Variants in PRDM16 observed in about 807,000 individuals in gnomAD.
PRDM16 encodes PR/SET domain 16.
PRDM16 carries 23 observed loss-of-function variants against 110.6 expected under a neutral mutation model. That is an observed-to-expected ratio of 0.21 (90% confidence interval 0.15 to 0.29). The LOEUF is 0.29. Ranked by LOEUF, PRDM16 falls within the 10% of genes least tolerant of loss-of-function variation. The probability of loss-of-function intolerance (pLI) is 1.00; values close to 1 mark genes in which losing one functional copy is unlikely to be tolerated. For synonymous variants in PRDM16, 799 were observed against 781.8 expected (o/e 1.02, Z -0.37); for missense variants, 1,615 against 1,794.3 (o/e 0.90, Z 1.81).
intron 5 of PRDM16, 107 bp from the exon 6 acceptor site, chr1:3,402,684 G>T: frequency 1.1e-6 from 1 of 947,790 alleles, no homozygotes; most frequent in South Asian, 1.5e-5. Context: ...CAGCCTGGGT[G>T]CAGGCCCTGA....
chr1:3,184,849 G>A (rs143290353), intron 1 of PRDM16, among the ~76,000 whole-genome samples: 116 of 152,294 alleles, frequency 7.6e-4, no homozygotes, highest in African/African-American at 2.2e-3. Flanking sequence ...GCATGTCGGG[G>A]GCTGGTCCAG....
chr1:3,321,854 G>A lies in PRDM16; in HGVS notation c.439-63298G>A, dbSNP rs1402056278. ...TGTGCATTTGTGTGTGGGTCCGTGT[G>A]TGAGTGTGTGCATTTGTGTGTGGGT... is the stretch of plus-strand genomic sequence containing the variant. On this transcript the variant is annotated intron_variant, in intron 3 of 16. Transcript: ENST00000270722. Among the ~76,000 whole-genome samples, 2 of 151,666 alleles carry A rather than the reference G, an allele frequency of 1.3e-5. 1 individual carries two copies. Among genetic ancestry groups the A allele is most frequent in the Non-Finnish European group, 2.9e-5 (2 of 67,992 alleles).
chr1:3,436,901 A>T lies in PRDM16; in HGVS notation c.*3090A>T, dbSNP rs60743252. The T allele has an allele frequency of 1.5e-3, 342 of 230,752 alleles. 2 individuals carry two copies. Among genetic ancestry groups the T allele is most frequent in the African/African-American group, 7.0e-3 (315 of 44,780 alleles). The allele number at this position is 230,752 out of a possible 1,614,324, so 14.3% of individuals were successfully genotyped here. A position where few individuals can be genotyped will look rare whatever the true frequency, so the allele number is the denominator to read the frequency against. On this transcript the variant is annotated 3_prime_UTR_variant, in exon 17 of 17. Coordinates refer to ENST00000270722, the MANE Select transcript of PRDM16 (RefSeq NM_022114.4). ...CCAATGCTAACTCCTTGGATTGTCA[A>T]CCCCCATCCCCCAAATGGAAATTCC...
intron 4 of PRDM16, chr1:3,386,754 C>CA (rs1172108453): frequency 6.6e-6 from 1 of 152,174 alleles, no homozygotes; most frequent in African/African-American, 2.4e-5. Flanking sequence ...TTCTGGGGCT[C>CA]AGATTTGCAG....
intron 1 of PRDM16, among the ~76,000 whole-genome samples, chr1:3,106,194 A>G (rs1308269489): frequency 6.6e-6 from 1 of 152,350 alleles, no homozygotes; most frequent in South Asian, 2.1e-4. Context: ...CCTGTCTTCC[A>G]AAGAGAGCAG....
chr1:3,213,539 C>T lies in PRDM16; in HGVS notation c.387+27065C>T, dbSNP rs1202540155. On this transcript the variant is annotated intron_variant, in intron 2 of 16. Coordinates refer to ENST00000270722, the MANE Select transcript of PRDM16 (RefSeq NM_022114.4). This position sits in a 1 kb window ranked among gnomAD's most constrained non-coding sequence, Gnocchi z 5.3. Reference sequence around the variant, plus strand: ...GCCCGTGGGGGGTTGCTAGAGAGTCCTTTGTCGCCTCCCTGGGGGCACAGA... The same window carrying T: ...GCCCGTGGGGGGTTGCTAGAGAGTCTTTTGTCGCCTCCCTGGGGGCACAGA... 6.6e-6 allele frequency among the ~76,000 whole-genome samples: 1 copy of T among 152,172 alleles called. No individual in the cohort carries two copies. The highest frequency in any genetic ancestry group is 1.5e-5 in the Non-Finnish European group (1 of 68,034).
At chr1:3,416,842 A>G (rs867805101) in intron 10 of PRDM16, among the ~76,000 whole-genome samples, 1 of 152,100 alleles carries the variant, frequency 6.6e-6, no homozygotes, top group Non-Finnish European at 1.5e-5. Flanking sequence ...CCCTCAGGGG[A>G]TGATGAACAC....
In PRDM16 at chr1:3,255,413, TGC is replaced by T. The variant is rs1459444080; in HGVS notation, c.438+11277_438+11278del. Among the ~76,000 whole-genome samples the T allele has an allele frequency of 6.6e-6, 1 of 152,110 alleles. No individual in the cohort carries two copies. Among genetic ancestry groups the T allele is most frequent in the Admixed American group, 6.5e-5 (1 of 15,274 alleles). The stretch of plus-strand genomic sequence containing the variant: ...ACGGCTCTCACCACAAAGCCAGGGC[TGC>T]CCCCGACACTTCAGGAGCCCAGCCC... On this transcript the variant is annotated intron_variant, in intron 3 of 16. Transcript: ENST00000270722. The surrounding 1 kb of genome is among the most constrained non-coding windows in gnomAD (Gnocchi z 4.7).
Position 3,390,598 on chromosome 1 carries a change from G to A in PRDM16, c.573+5312G>A, listed in dbSNP as rs995448063. Among the ~76,000 whole-genome samples the A allele has an allele frequency of 1.3e-5, 2 of 152,108 alleles. No individual in the cohort carries two copies. The highest frequency in any genetic ancestry group is 2.9e-5 in the Non-Finnish European group (2 of 68,010). ...TGGCCGCCGGTGGCCAGGCAGCACC[G>A]CGTGGACAAGAGCCCGCGCGGGTTG... On this transcript the variant is annotated intron_variant, in intron 4 of 16. Coordinates refer to ENST00000270722, the MANE Select transcript of PRDM16 (RefSeq NM_022114.4). The surrounding 1 kb of genome is among the most constrained non-coding windows in gnomAD (Gnocchi z 5.0).
intron 2 of PRDM16, among the ~76,000 whole-genome samples, chr1:3,217,942 C>T (rs1370450514): frequency 6.6e-6 from 1 of 152,260 alleles, no homozygotes; most frequent in African/African-American, 2.4e-5. Context: ...TCTTGCCGGC[C>T]CTCCCTCCTC....
chr1:3,315,125 T>C (rs564300456), intron 3 of PRDM16, among the ~76,000 whole-genome samples: 55 of 147,766 alleles, frequency 3.7e-4, no homozygotes, highest in African/African-American at 1.4e-3. Flanking sequence ...ACCGCCTCTC[T>C]CTCTTTCTCC....
At chr1:3,277,345 C>T (rs1253853540) in intron 3 of PRDM16, among the ~76,000 whole-genome samples, 1 of 152,214 alleles carries the variant, frequency 6.6e-6, no homozygotes, top group Non-Finnish European at 1.5e-5. Context: ...CTGGCATCCA[C>T]CATGCCCACC....
chr1:3,291,172 A>G (rs1640965562), intron 3 of PRDM16, among the ~76,000 whole-genome samples: 1 of 152,046 alleles, frequency 6.6e-6, no homozygotes, highest in South Asian at 2.1e-4. Context: ...AGCTGAGAGC[A>G]GCCCACACGG....
intron 4 of PRDM16, among the ~76,000 whole-genome samples, chr1:3,394,090 G>A (rs1366790106): frequency 6.6e-6 from 1 of 151,936 alleles, no homozygotes; most frequent in African/African-American, 2.4e-5. Context: ...TGGGGTCCCA[G>A]GAGACACCGG....
intron 2 of PRDM16, among the ~76,000 whole-genome samples, chr1:3,226,330 C>G (rs1639288374): frequency 6.6e-6 from 1 of 152,186 alleles, no homozygotes; most frequent in African/African-American, 2.4e-5. Context: ...CAGACAGGAC[C>G]TGAGTGCCGC....
chr1:3,296,476 G>T (rs1428520050), intron 3 of PRDM16, among the ~76,000 whole-genome samples: 4 of 152,264 alleles, frequency 2.6e-5, no homozygotes, highest in Non-Finnish European at 5.9e-5. Context: ...TCACTCAGTG[G>T]AGGAGGCGAG....
At chr1:3,414,751 C>A (rs746407112) in intron 10 of PRDM16, 104 bp downstream of exon 10, 162 of 817,484 alleles carry the variant, frequency 2.0e-4, no homozygotes, top group Non-Finnish European at 2.9e-4. Context: ...AAGTCCCCGT[C>A]CAGGCCATAC....
At chr1:3,323,730 A>C (rs989904431) in intron 3 of PRDM16, among the ~76,000 whole-genome samples, 10 of 152,240 alleles carry the variant, frequency 6.6e-5, no homozygotes, top group Non-Finnish European at 8.8e-5. Flanking sequence ...TGAGCAGTAA[A>C]AGCTGCAAGG....
At chr1:3,348,583 C>T (rs993408872) in intron 3 of PRDM16, among the ~76,000 whole-genome samples, 1 of 152,266 alleles carries the variant, frequency 6.6e-6, no homozygotes, top group African/African-American at 2.4e-5. Context: ...GGCCCTCCGC[C>T]ATGGCCTCCA....
Sources: allele counts gnomAD v4.1 joint callset (sites outside exome capture counted in the v4.1 genomes callset), GRCh38; gene constraint gnomAD v4.1.1; non-coding constraint Gnocchi (gnomAD v3.1); transcripts MANE v1.5; gene names NCBI Gene and HGNC (gene_info 2026-07-23, HGNC 2026-07-21).